Variants in FMN1 observed in about 807,000 individuals in gnomAD.
FMN1 encodes formin 1.
In FMN1, 110 loss-of-function variants were observed where a neutral mutation model predicts 132.4. The observed-to-expected ratio is 0.83, with a 90% confidence interval of 0.71 to 0.97. FMN1 has a LOEUF of 0.97. Among genes scored for constraint, FMN1 ranks in the 50% least tolerant of loss-of-function variants. The pLI, the probability that FMN1 is intolerant of heterozygous loss-of-function variation, is 0.00. For synonymous variants in FMN1, 722 were observed against 651.7 expected (o/e 1.11, Z -1.64); for missense variants, 1,792 against 1,705.3 (o/e 1.05, Z -0.90).
intron 4 of FMN1, among the ~76,000 whole-genome samples, chr15:33,091,833 A>G (rs1158566896): frequency 6.6e-6 from 1 of 152,250 alleles, no homozygotes; most frequent in African/African-American, 2.4e-5. Context: ...CTGAAATTAG[A>G]TAAATATATT....
chr15:33,187,067 C>A (rs1367085566), intron 2 of FMN1, among the ~76,000 whole-genome samples: 1 of 152,054 alleles, frequency 6.6e-6, no homozygotes, highest in Non-Finnish European at 1.5e-5. Flanking sequence ...GGGGTCATTC[C>A]CAGAGAAAAG....
At chr15:33,116,939 CTTA>C (rs869200320) in intron 4 of FMN1, among the ~76,000 whole-genome samples, 7 of 151,746 alleles carry the variant, frequency 4.6e-5, no homozygotes, top group African/African-American at 1.7e-4. Flanking sequence ...TCAATAAATG[CTTA>C]TTATTACTAT....
chr15:33,066,789 G>A, intron 5 of FMN1: 1 of 1,613,934 alleles, frequency 6.2e-7, no homozygotes, highest in Non-Finnish European at 8.5e-7. Flanking sequence ...TCTCTCCTGG[G>A]CGACTCAGGG....
intron 5 of FMN1, among the ~76,000 whole-genome samples, chr15:33,071,966 A>G (rs1347764110): frequency 6.6e-6 from 1 of 152,210 alleles, no homozygotes; most frequent in Non-Finnish European, 1.5e-5. Flanking sequence ...GCAGAAGCGA[A>G]GGCTTTCATC....
At chr15:33,033,668 GGTT>G (rs1372757141) in intron 6 of FMN1, among the ~76,000 whole-genome samples, 1 of 18,866 alleles carries the variant, frequency 5.3e-5, no homozygotes, top group African/African-American at 1.7e-4. Context: ...GCTACCTCAT[GGTT>G]TTTTTTTTTT....
At chr15:32,801,153 T>C (rs1260847986) in intron 18 of FMN1, among the ~76,000 whole-genome samples, 1 of 151,982 alleles carries the variant, frequency 6.6e-6, no homozygotes, top group Non-Finnish European at 1.5e-5. Flanking sequence ...ATGTCAAGAG[T>C]GATTTGGTGG....
chr15:33,108,586 T>C (rs1321468348), intron 4 of FMN1, among the ~76,000 whole-genome samples: 1 of 152,060 alleles, frequency 6.6e-6, no homozygotes, highest in Non-Finnish European at 1.5e-5. Context: ...AGTTAAAGGA[T>C]TTTTTAAAAG....
intron 6 of FMN1, among the ~76,000 whole-genome samples, chr15:33,045,835 T>C (rs8041754): frequency 0.012 from 1,855 of 152,288 alleles, 41 homozygotes; most frequent in African/African-American, 0.042. Context: ...AAAAAAATCA[T>C]TGGCTAAATT....
At chr15:32,845,019 T>C (rs960711025) in intron 17 of FMN1, among the ~76,000 whole-genome samples, 3 of 152,232 alleles carry the variant, frequency 2.0e-5, no homozygotes, top group East Asian at 1.9e-4. Context: ...GAATTGGACA[T>C]TGTCTGCGAA....
At chr15:33,021,260 A>G (rs953063923) in intron 6 of FMN1, among the ~76,000 whole-genome samples, 1 of 152,214 alleles carries the variant, frequency 6.6e-6, no homozygotes, top group Non-Finnish European at 1.5e-5. Context: ...CACCTATGCT[A>G]ACAAATGCTT....
chr15:33,147,578 T>A (rs1191918284), intron 4 of FMN1, among the ~76,000 whole-genome samples: 1 of 152,342 alleles, frequency 6.6e-6, no homozygotes, highest in East Asian at 1.9e-4. Flanking sequence ...GAAGGTGTTA[T>A]CCTCAAAGCA....
At chr15:33,075,193 G>A (rs778227197) in intron 5 of FMN1, among the ~76,000 whole-genome samples, 18 of 151,958 alleles carry the variant, frequency 1.2e-4, no homozygotes, top group Admixed American at 3.9e-4. Flanking sequence ...GAATTGTTAC[G>A]CGGCATACAC....
At chr15:32,921,150 G>A (rs1046996184) in intron 10 of FMN1, among the ~76,000 whole-genome samples, 1 of 152,168 alleles carries the variant, frequency 6.6e-6, no homozygotes, top group Non-Finnish European at 1.5e-5. Flanking sequence ...AGGATGACCT[G>A]TATTAGGGTG....
chr15:32,850,836 G>T (rs1342851329), intron 17 of FMN1, among the ~76,000 whole-genome samples: 1 of 151,528 alleles, frequency 6.6e-6, no homozygotes, highest in Non-Finnish European at 1.5e-5. Context: ...TTTTATTTTA[G>T]GTTTGGGGGT....
intron 10 of FMN1, among the ~76,000 whole-genome samples, chr15:32,916,122 G>A (rs1401437660): frequency 6.6e-6 from 1 of 152,212 alleles, no homozygotes; most frequent in African/African-American, 2.4e-5. Context: ...AAGCAGATCA[G>A]TATCACAAAT....
intron 16 of FMN1, among the ~76,000 whole-genome samples, chr15:32,877,544 CTG>C (rs2059666816): frequency 6.6e-6 from 1 of 152,118 alleles, no homozygotes. Context: ...ATAGAATGCA[CTG>C]AAATAGCATA....
intron 17 of FMN1, among the ~76,000 whole-genome samples, chr15:32,831,837 G>A (rs982704881): frequency 6.6e-6 from 1 of 151,870 alleles, no homozygotes; most frequent in South Asian, 2.1e-4. Context: ...ATCTTCTGGT[G>A]GGGAAGTATT....
At chr15:33,067,849 A>C (rs754748442) in intron 5 of FMN1, 1 of 1,613,302 alleles carries the variant, frequency 6.2e-7, no homozygotes, top group Non-Finnish European at 8.5e-7. Context: ...GTTCTGACAC[A>C]TCACTGCCAT....
chr15:33,073,402 G>GTAAA (rs1366874716), intron 5 of FMN1, among the ~76,000 whole-genome samples: 3 of 152,118 alleles, frequency 2.0e-5, no homozygotes, highest in Non-Finnish European at 4.4e-5. Context: ...CTTAGTAAGG[G>GTAAA]TAAATAAGAG....
Sources: allele counts gnomAD v4.1 joint callset (sites outside exome capture counted in the v4.1 genomes callset), GRCh38; gene constraint gnomAD v4.1.1; transcripts MANE v1.5; gene names NCBI Gene and HGNC (gene_info 2026-07-23, HGNC 2026-07-21).